NT5DC1: variants seen among roughly 807,000 people sequenced by gnomAD.
NT5DC1 encodes the protein 5'-nucleotidase domain-containing protein 1.
A neutral mutation model predicts 59.4 loss-of-function variants in NT5DC1; 42 were observed. That is an observed-to-expected ratio of 0.71 (90% CI 0.55 to 0.92). The LOEUF (loss-of-function observed/expected upper bound fraction) is 0.92, where lower values mean the gene tolerates loss of function less well. Ranked by LOEUF, NT5DC1 falls within the 40% of genes least tolerant of loss-of-function variation. The pLI is 0.00. For synonymous variants in NT5DC1, 172 were observed against 188.1 expected (o/e 0.91, Z 0.70); for missense variants, 501 against 537.1 (o/e 0.93, Z 0.66).
In NT5DC1 at chr6:116,100,913, G is replaced by C. The variant is rs1020703061; in HGVS notation, c.-18G>C. 6.3e-7 allele frequency: 1 copy of C among 1,587,990 alleles called. No individual in the cohort carries two copies. Among genetic ancestry groups the C allele is most frequent in the Non-Finnish European group, 8.6e-7 (1 of 1,168,692 alleles). The stretch of plus-strand genomic sequence containing the variant: ...ACCCTTCGCGGCCGAGGCGCTCCCT[G>C]GTGCTCCCCGCGCAGCCATGGCTCA... On this transcript the variant is annotated 5_prime_UTR_variant, in exon 1 of 12. Transcript: ENST00000319550.
chr6:116,179,480 C>T (rs1263485743), intron 6 of NT5DC1, among the ~76,000 whole-genome samples: 1 of 151,834 alleles, frequency 6.6e-6, no homozygotes, highest in Non-Finnish European at 1.5e-5. Flanking sequence ...GCTAAGAACC[C>T]GAATAGACAA....
intron 6 of NT5DC1, among the ~76,000 whole-genome samples, chr6:116,205,671 C>T (rs1428935050): frequency 1.1e-4 from 16 of 151,912 alleles, no homozygotes; most frequent in Non-Finnish European, 2.1e-4. Context: ...GTGTAGTTTC[C>T]GTCTTTATTC....
chr6:116,132,891 C>G (rs1355979788), intron 6 of NT5DC1, among the ~76,000 whole-genome samples: 2 of 152,076 alleles, frequency 1.3e-5, no homozygotes, highest in Non-Finnish European at 2.9e-5. Flanking sequence ...TTCTTAGGTG[C>G]CATTATAGAG....
At chr6:116,138,765 A>G (rs1432575338) in intron 6 of NT5DC1, among the ~76,000 whole-genome samples, 1 of 152,108 alleles carries the variant, frequency 6.6e-6, no homozygotes, top group Non-Finnish European at 1.5e-5. Context: ...TAGTATTTAT[A>G]TTTGTATAGA....
intron 6 of NT5DC1, among the ~76,000 whole-genome samples, chr6:116,208,791 A>C (rs571216422): frequency 6.6e-6 from 1 of 152,130 alleles, no homozygotes; most frequent in South Asian, 2.1e-4. Context: ...AAGTGTGCTA[A>C]AATCATAAAA....
intron 8 of NT5DC1, among the ~76,000 whole-genome samples, chr6:116,234,519 T>G (rs1196858558): frequency 6.6e-6 from 1 of 151,890 alleles, no homozygotes; most frequent in East Asian, 1.9e-4. Flanking sequence ...TGTGTAGTTT[T>G]TGAAGAGACT....
intron 6 of NT5DC1, among the ~76,000 whole-genome samples, chr6:116,182,835 G>A (rs889014747): frequency 4.6e-5 from 7 of 151,908 alleles, no homozygotes; most frequent in Non-Finnish European, 7.4e-5. Context: ...CCACTCTGTG[G>A]GTTGTCTGTT....
chr6:116,104,598 A>C (rs1193590605), intron 1 of NT5DC1, among the ~76,000 whole-genome samples: 1 of 152,142 alleles, frequency 6.6e-6, no homozygotes, highest in African/African-American at 2.4e-5. Context: ...GGCAAGCGCT[A>C]CCTGTCAGGG....
At chr6:116,221,338 G>C (rs558502293) in intron 7 of NT5DC1, 110 bp downstream of exon 7, 2 of 649,502 alleles carry the variant, frequency 3.1e-6, no homozygotes, top group Non-Finnish European at 5.3e-6. Flanking sequence ...TTTAAACAAT[G>C]CTGAGTGACA....
chr6:116,225,499 A>C (rs533984970), intron 8 of NT5DC1, among the ~76,000 whole-genome samples: 1 of 152,330 alleles, frequency 6.6e-6, no homozygotes, highest in Non-Finnish European at 1.5e-5. Flanking sequence ...ACGTGTTCAG[A>C]AGCCAGAGGA....
At chr6:116,218,634 A>C (rs934397485) in intron 6 of NT5DC1, among the ~76,000 whole-genome samples, 2 of 152,128 alleles carry the variant, frequency 1.3e-5, no homozygotes, top group Non-Finnish European at 2.9e-5. Context: ...GAAACAGAGA[A>C]TATATTTTAA....
At chr6:116,208,319 T>C (rs1207569349) in intron 6 of NT5DC1, among the ~76,000 whole-genome samples, 1 of 152,022 alleles carries the variant, frequency 6.6e-6, no homozygotes, top group Non-Finnish European at 1.5e-5. Flanking sequence ...CAAGTAAGGA[T>C]AATGTCAGTG....
intron 6 of NT5DC1, among the ~76,000 whole-genome samples, chr6:116,174,748 A>G (rs1328209981): frequency 1.3e-5 from 2 of 152,226 alleles, no homozygotes; most frequent in East Asian, 1.9e-4. Context: ...TGCTTTCATC[A>G]TACTCCATTT....
chr6:116,204,908 T>C (rs1159171943), intron 6 of NT5DC1, among the ~76,000 whole-genome samples: 5 of 151,950 alleles, frequency 3.3e-5, no homozygotes, highest in East Asian at 1.9e-4. Context: ...AAGTCATTTT[T>C]TTGGGTGAGG....
At chr6:116,183,220 T>G (rs1280421340) in intron 6 of NT5DC1, among the ~76,000 whole-genome samples, 1 of 152,150 alleles carries the variant, frequency 6.6e-6, no homozygotes, top group East Asian at 1.9e-4. Flanking sequence ...TCTATTCTGT[T>G]CCATTGGTCT....
At chr6:116,159,148 G>T (rs751325622) in intron 6 of NT5DC1, among the ~76,000 whole-genome samples, 1 of 151,914 alleles carries the variant, frequency 6.6e-6, no homozygotes, top group Admixed American at 6.6e-5. Flanking sequence ...CATTGCTCTG[G>T]GATCAATGTT....
Position 116,141,397 on chromosome 6 carries a change from T to G in NT5DC1, c.529+23452T>G, listed in dbSNP as rs73772273. ...TCTCTCTAGGGCATCTTATGTGTTA[T>G]CTGCAGTTAACTTCTATCTAAGAAA... On this transcript the variant is annotated intron_variant, in intron 6 of 11. Transcript: ENST00000319550. Among the ~76,000 whole-genome samples the G allele has an allele frequency of 2.3e-3, 346 of 152,254 alleles. 2 individuals carry two copies. The highest frequency in any genetic ancestry group is 8.2e-3 in the African/African-American group (340 of 41,558).
intron 6 of NT5DC1, among the ~76,000 whole-genome samples, chr6:116,144,832 T>C (rs1779856783): frequency 6.6e-6 from 1 of 152,116 alleles, no homozygotes; most frequent in Non-Finnish European, 1.5e-5. Context: ...GCCACAAATA[T>C]GCATGATAGG....
intron 6 of NT5DC1, among the ~76,000 whole-genome samples, chr6:116,169,620 G>A (rs934446967): frequency 6.6e-6 from 1 of 152,224 alleles, no homozygotes; most frequent in Non-Finnish European, 1.5e-5. Flanking sequence ...GTAGCCTGTA[G>A]TACCTGCTAT....
Sources: gnomAD v4.1 joint callset for allele counts (sites outside exome capture counted in the v4.1 genomes callset) on GRCh38, gnomAD v4.1.1 for gene constraint, MANE v1.5 for transcripts, NCBI Gene and HGNC (gene_info 2026-07-23, HGNC 2026-07-21) for gene names.